TMEM181: variants seen among roughly 807,000 people sequenced by gnomAD.
TMEM181 encodes the protein transmembrane protein 181, also known as G protein-coupled receptor 178.
TMEM181 carries 39 observed loss-of-function variants against 71.9 expected under a neutral mutation model. The observed-to-expected ratio is 0.54, with a 90% CI of 0.42 to 0.71. TMEM181 has a LOEUF of 0.71. TMEM181 is among the 30% of genes least tolerant of loss of function. The pLI is 0.00. For missense variants in TMEM181, 595 were observed against 583.0 expected, an observed-to-expected ratio of 1.02 and a Z score of -0.21; for synonymous variants, 245 against 228.8, an observed-to-expected ratio of 1.07 and a Z score of -0.64.
At chr6:158,618,053 G>T (rs1431937488) in intron 10 of TMEM181, among the ~76,000 whole-genome samples, 1 of 152,176 alleles carries the variant, frequency 6.6e-6, no homozygotes, top group Non-Finnish European at 1.5e-5. Flanking sequence ...CTGTCTTGTT[G>T]ATCTGTCTAA....
intron 1 of TMEM181, among the ~76,000 whole-genome samples, chr6:158,545,209 A>G (rs923543905): frequency 2.6e-5 from 4 of 152,190 alleles, no homozygotes; most frequent in African/African-American, 9.6e-5. Context: ...CCCCATGTTT[A>G]CTGGAGTTGT....
chr6:158,616,579 G>A (rs1392448796), intron 10 of TMEM181, among the ~76,000 whole-genome samples: 2 of 152,188 alleles, frequency 1.3e-5, no homozygotes, highest in Non-Finnish European at 2.9e-5. Flanking sequence ...CAAAGGGAAT[G>A]CTTCCAGTTT....
At chr6:158,545,565 G>A (rs565002170) in intron 1 of TMEM181, among the ~76,000 whole-genome samples, 1 of 152,326 alleles carries the variant, frequency 6.6e-6, no homozygotes, top group South Asian at 2.1e-4. Flanking sequence ...GGTGGGCGTT[G>A]TCCTGCCTTC....
chr6:158,581,820 A>T (rs1783500456), intron 3 of TMEM181, among the ~76,000 whole-genome samples: 1 of 150,166 alleles, frequency 6.7e-6, no homozygotes, highest in African/African-American at 2.4e-5. Context: ...AGCTTCTTTC[A>T]ATTGGAGAAT....
chr6:158,542,405 C>G (rs911375770), intron 1 of TMEM181, among the ~76,000 whole-genome samples: 4 of 152,286 alleles, frequency 2.6e-5, no homozygotes, highest in African/African-American at 9.6e-5. Context: ...TATAATCTTC[C>G]CGACAACCCT....
chr6:158,577,379 A>G (rs1349749027), intron 2 of TMEM181, among the ~76,000 whole-genome samples: 3 of 152,230 alleles, frequency 2.0e-5, no homozygotes, highest in Admixed American at 6.5e-5. Context: ...GAATCTGAAG[A>G]TAGGACAGTG....
intron 1 of TMEM181, among the ~76,000 whole-genome samples, chr6:158,550,333 C>A (rs1781678759): frequency 6.6e-6 from 1 of 151,730 alleles, no homozygotes; most frequent in African/African-American, 2.4e-5. Context: ...GCGTGAGCCA[C>A]CACGCCCGGC....
At chr6:158,604,330 GCA>G (rs1423189762) in intron 6 of TMEM181, among the ~76,000 whole-genome samples, 7 of 124,212 alleles carry the variant, frequency 5.6e-5, no homozygotes, top group African/African-American at 2.0e-4. Flanking sequence ...GTGCATGCGT[GCA>G]TGCGTGTGTG....
intron 10 of TMEM181, chr6:158,611,074 A>C: frequency 2.1e-6 from 1 of 471,654 alleles, no homozygotes. Context: ...CGAGGGGTGG[A>C]GAGCATTTGT....
At chr6:158,571,085 T>TA (rs1782782459) in intron 1 of TMEM181, among the ~76,000 whole-genome samples, 3 of 151,704 alleles carry the variant, frequency 2.0e-5, no homozygotes, top group Admixed American at 1.3e-4. Flanking sequence ...GCTAATTTTT[T>TA]AAAAAATTAA....
chr6:158,544,085 T>C, intron 1 of TMEM181, among the ~76,000 whole-genome samples: 1 of 152,144 alleles, frequency 6.6e-6, no homozygotes, highest in East Asian at 1.9e-4. Context: ...TGCAGCTGTG[T>C]CTGGATCAGG....
chr6:158,565,285 C>T (rs1459898624), intron 1 of TMEM181, among the ~76,000 whole-genome samples: 1 of 152,238 alleles, frequency 6.6e-6, no homozygotes, highest in African/African-American at 2.4e-5. Context: ...TTCTGAACCC[C>T]TCGTGAGCCC....
At chr6:158,618,862 A>G (rs12665681) in intron 10 of TMEM181, among the ~76,000 whole-genome samples, 98,115 of 152,124 alleles carry the variant, frequency 0.64, 32,465 homozygotes, top group African/African-American at 0.79. Context: ...GAGATCAGCT[A>G]TTATTCTGAT....
intron 1 of TMEM181, among the ~76,000 whole-genome samples, chr6:158,543,407 A>G (rs553118435): frequency 1.3e-5 from 2 of 152,266 alleles, no homozygotes; most frequent in East Asian, 1.9e-4. Flanking sequence ...TTCCCCAGAT[A>G]TGGAAGCTGG....
rs1409144362 is a variant in TMEM181, at chr6:158,632,544, A to G, written c.*656A>G. The G allele has an allele frequency of 6.6e-6, 1 of 152,532 alleles. No individual in the cohort carries two copies. Among genetic ancestry groups the G allele is most frequent in the Non-Finnish European group, 1.5e-5 (1 of 68,296 alleles). 9.4% of individuals were successfully genotyped at this position (152,532 alleles called of 1,614,324 possible). Reference sequence around the variant, plus strand: ...AGTGTGGAGTTCTGAGGAGGGTTTGATAAGTTGAATAAGGAAAGGCTAAGA... The same window carrying G: ...AGTGTGGAGTTCTGAGGAGGGTTTGGTAAGTTGAATAAGGAAAGGCTAAGA... On this transcript the variant is annotated 3_prime_UTR_variant, in exon 17 of 17. Coordinates refer to ENST00000684151, the MANE Select transcript of TMEM181 (RefSeq NM_001376852.1).
At chr6:158,585,553 T>A (rs911872492) in intron 5 of TMEM181, 128 bp downstream of exon 5, 23 of 1,212,786 alleles carry the variant, frequency 1.9e-5, no homozygotes, top group Non-Finnish European at 2.4e-5. Context: ...GTGAAAAAAA[T>A]GGAGTCATAC....
At chr6:158,593,730 CT>C (rs371217639) in intron 6 of TMEM181, among the ~76,000 whole-genome samples, 14 of 152,172 alleles carry the variant, frequency 9.2e-5, no homozygotes, top group African/African-American at 2.9e-4. Context: ...AAATATAATT[CT>C]TTTTTTTCCC....
chr6:158,577,888 C>G (rs987255804), intron 2 of TMEM181, among the ~76,000 whole-genome samples: 1 of 152,076 alleles, frequency 6.6e-6, no homozygotes, highest in African/African-American at 2.4e-5. Flanking sequence ...GTCGGGAGTT[C>G]AAGACCAGCC....
rs5881281 is a variant in TMEM181 at position 158,598,625 on chromosome 6, GTT to G, written c.493-6632_493-6631del. On this transcript the variant is annotated intron_variant, in intron 6 of 16. Coordinates refer to ENST00000684151, the MANE Select transcript of TMEM181 (RefSeq NM_001376852.1). ...AGTATTCCTGGACAGTGCGTTTCAT[GTT>G]TTTTTTTTTATTTTTATTTTTTTAT... 3.8e-3 allele frequency among the ~76,000 whole-genome samples: 548 copies of G among 145,202 alleles called. 5 individuals carry two copies. Among genetic ancestry groups the G allele is most frequent in the African/African-American group, 0.012 (483 of 39,770 alleles).
Sources: allele counts gnomAD v4.1 joint callset (sites outside exome capture counted in the v4.1 genomes callset), GRCh38; gene constraint gnomAD v4.1.1; transcripts MANE v1.5; gene names NCBI Gene and HGNC (gene_info 2026-07-23, HGNC 2026-07-21).